Variants in COMMD10 observed in about 807,000 individuals in gnomAD.
COMMD10 encodes the protein COMM domain-containing protein 10.
In COMMD10, 33 loss-of-function variants were observed where a neutral mutation model predicts 28.9. The observed-to-expected ratio is 1.14, with a 90% CI of 0.87 to 1.53. COMMD10 has a LOEUF of 1.53. COMMD10 is among the 40% of genes most tolerant of loss of function. COMMD10 has a pLI of 0.00. For missense variants in COMMD10, 310 were observed against 233.4 expected (o/e 1.33, Z -2.14); for synonymous variants, 110 against 81.7 (o/e 1.35, Z -1.87).
At chr5:116,156,250 A>G (rs912793430) in intron 5 of COMMD10, among the ~76,000 whole-genome samples, 27 of 152,268 alleles carry the variant, frequency 1.8e-4, no homozygotes, top group African/African-American at 6.3e-4. Flanking sequence ...AAAACAGTAC[A>G]GGGTTTGTTA....
intron 5 of COMMD10, among the ~76,000 whole-genome samples, chr5:116,160,501 G>A (rs1268783931): frequency 2.0e-5 from 3 of 152,166 alleles, no homozygotes; most frequent in Non-Finnish European, 4.4e-5. Context: ...GAATGCAACT[G>A]AAGTTGGATG....
At chr5:116,227,056 C>T (rs1045485918) in intron 5 of COMMD10, among the ~76,000 whole-genome samples, 11 of 152,048 alleles carry the variant, frequency 7.2e-5, no homozygotes, top group Non-Finnish European at 2.9e-5. Context: ...CCTCTTTTGC[C>T]TTCTGGTGTT....
chr5:116,263,548 C>G (rs1233031495), intron 5 of COMMD10, among the ~76,000 whole-genome samples: 1 of 151,622 alleles, frequency 6.6e-6, no homozygotes, highest in East Asian at 1.9e-4. Flanking sequence ...GCCAGGCACC[C>G]TTTTAGGTCC....
At chr5:116,086,471 T>C (rs1580432072) in intron 1 of COMMD10, among the ~76,000 whole-genome samples, 1 of 151,116 alleles carries the variant, frequency 6.6e-6, no homozygotes, top group Middle Eastern at 3.4e-3. Flanking sequence ...CTCTTTTTTT[T>C]CCCTGAGAGG....
rs140746680 is a variant in COMMD10, at chr5:116,092,613, C to G, written c.312C>G (p.Asp104Glu). 7.3e-5 allele frequency: 118 copies of G among 1,612,398 alleles called. 1 individual carries two copies. In the African/African-American group the frequency reaches 1.5e-3, roughly 21 times the overall value. ...TAGAGAACATTCATCTTAGACAAGA[C>G]AAAGCTGAAGCATTTGTCAATACGT... ...QQLENIHLRQ[D>E]KAEAFVNTWS... Residue 104 changes from aspartate to glutamate, a missense_variant, in exon 4 of 7, where the codon GAC becomes GAG. Coordinates refer to ENST00000274458, the MANE Select transcript of COMMD10 (RefSeq NM_016144.4).
At chr5:116,103,598 C>T (rs1407357264) in intron 4 of COMMD10, among the ~76,000 whole-genome samples, 1 of 152,084 alleles carries the variant, frequency 6.6e-6, no homozygotes, top group Admixed American at 6.5e-5. Flanking sequence ...AATTTTCTCC[C>T]ATTCTGTAGG....
intron 4 of COMMD10, among the ~76,000 whole-genome samples, chr5:116,102,223 A>T (rs755672990): frequency 1.3e-5 from 2 of 152,020 alleles, no homozygotes; most frequent in East Asian, 1.9e-4. Context: ...TCATCTTGAG[A>T]TTTTTTTTAT....
chr5:116,204,207 G>T (rs1460405003), intron 5 of COMMD10, among the ~76,000 whole-genome samples: 2 of 152,144 alleles, frequency 1.3e-5, no homozygotes, highest in South Asian at 2.1e-4. Context: ...AAATATATAT[G>T]CACCCAATAC....
At chr5:116,214,006 G>A (rs1749035607) in intron 5 of COMMD10, among the ~76,000 whole-genome samples, 1 of 152,030 alleles carries the variant, frequency 6.6e-6, no homozygotes, top group Non-Finnish European at 1.5e-5. Context: ...TGAAAATACA[G>A]AACCCTCACT....
chr5:116,271,422 G>A (rs1449756263), intron 5 of COMMD10, among the ~76,000 whole-genome samples: 1 of 150,718 alleles, frequency 6.6e-6, no homozygotes, highest in African/African-American at 2.5e-5. Flanking sequence ...AAGTTAGGGT[G>A]TATTACTAAT....
At chr5:116,093,271 A>C (rs1009382319) in intron 4 of COMMD10, among the ~76,000 whole-genome samples, 2 of 152,226 alleles carry the variant, frequency 1.3e-5, no homozygotes, top group Non-Finnish European at 2.9e-5. Context: ...TCCACAAAGA[A>C]GAACCAAAAT....
chr5:116,116,037 C>T (rs1363363315), intron 4 of COMMD10, among the ~76,000 whole-genome samples: 2 of 151,992 alleles, frequency 1.3e-5, no homozygotes, highest in African/African-American at 4.8e-5. Flanking sequence ...TTCTTTATTT[C>T]GCCAAGTACA....
intron 5 of COMMD10, among the ~76,000 whole-genome samples, chr5:116,285,034 T>G (rs1751180136): frequency 6.7e-6 from 1 of 150,364 alleles, no homozygotes; most frequent in African/African-American, 2.4e-5. Flanking sequence ...AGTTAGTTGA[T>G]TCTGGTTTTA....
chr5:116,179,541 T>C (rs1747875770), intron 5 of COMMD10, among the ~76,000 whole-genome samples: 5 of 152,058 alleles, frequency 3.3e-5, no homozygotes, highest in Admixed American at 3.3e-4. Flanking sequence ...AGAAGAGCTG[T>C]TCCACAATGG....
intron 5 of COMMD10, among the ~76,000 whole-genome samples, chr5:116,239,037 C>T (rs1277226410): frequency 6.6e-6 from 1 of 152,118 alleles, no homozygotes; most frequent in African/African-American, 2.4e-5. Flanking sequence ...AAGTGTATGT[C>T]TTCTATTGAA....
chr5:116,221,851 T>C (rs1205023783), intron 5 of COMMD10, among the ~76,000 whole-genome samples: 1 of 152,172 alleles, frequency 6.6e-6, no homozygotes, highest in Non-Finnish European at 1.5e-5. Context: ...CCCACATTTT[T>C]TCTTACCAGA....
At chr5:116,172,853 G>T (rs183345197) in intron 5 of COMMD10, among the ~76,000 whole-genome samples, 16 of 152,158 alleles carry the variant, frequency 1.1e-4, no homozygotes, top group Admixed American at 8.5e-4. Context: ...CAAAAAATAC[G>T]ATGAAATTTC....
chr5:116,237,783 G>C (rs1290053324), intron 5 of COMMD10, among the ~76,000 whole-genome samples: 1 of 152,094 alleles, frequency 6.6e-6, no homozygotes, highest in Non-Finnish European at 1.5e-5. Context: ...AATGCATTTT[G>C]TATTTCTTGC....
At chr5:116,256,267 G>T (rs1750281590) in intron 5 of COMMD10, among the ~76,000 whole-genome samples, 1 of 151,628 alleles carries the variant, frequency 6.6e-6, no homozygotes, top group South Asian at 2.1e-4. Flanking sequence ...AAGACTAGTG[G>T]AAACTTCAAA....
Sources: allele counts gnomAD v4.1 joint callset (sites outside exome capture counted in the v4.1 genomes callset), GRCh38; gene constraint gnomAD v4.1.1; transcripts MANE v1.5; gene names NCBI Gene and HGNC (gene_info 2026-07-23, HGNC 2026-07-21).